The following OR7C2 variants were observed in gnomAD, a reference collection of about 807,000 sequenced individuals.
The protein encoded by OR7C2 is olfactory receptor 7C2.
For synonymous variants in OR7C2, 160 were observed against 157.7 expected (o/e 1.01, Z -0.11); for missense variants, 374 against 387.4 (o/e 0.97, Z 0.29).
Position 14,941,702 on chromosome 19 carries a change from T to C in OR7C2, c.214T>C (p.Cys72Arg). The change falls in exon 1 of 1, where the codon TGT (cysteine) becomes CGT (arginine). Residue 72 changes from cysteine to arginine, a missense_variant. Transcript: ENST00000248072. ...CTCCAACCTGTCCTTTGCTGACATC[T>C]GTTTCACATCCACGACTGTCCCAAA... ...FLSNLSFADI[C>R]FTSTTVPKML... 1 of 1,614,200 alleles carries C rather than the reference T, an allele frequency of 6.2e-7. No homozygotes were observed. The highest frequency in any genetic ancestry group is 1.1e-5 in the South Asian group (1 of 91,086).
In OR7C2 at chr19:14,941,988, C is replaced by A. The variant is rs2045353558; in HGVS notation, c.500C>A (p.Ser167Tyr). 2 of 1,614,080 alleles carry A rather than the reference C, an allele frequency of 1.2e-6. No homozygotes were observed. The highest frequency in any genetic ancestry group is 1.7e-6 in the Non-Finnish European group (2 of 1,180,010). The change falls in exon 1 of 1, where the codon TCC becomes TAC. Residue 167 changes from serine to tyrosine, a missense_variant. Ser to Tyr is a moderately radical substitution (Grantham distance 144). Coordinates refer to ENST00000248072, the MANE Select transcript of OR7C2 (RefSeq NM_012377.1). ...LLETLTILRL[S>Y]FCTNMEIPHF... is the part of the protein sequence containing the mutation. Reference sequence around the variant, plus strand: ...GAGACCTTGACCATTTTGAGGCTGTCCTTCTGCACAAATATGGAAATTCCG... The same window carrying A: ...GAGACCTTGACCATTTTGAGGCTGTACTTCTGCACAAATATGGAAATTCCG...
In OR7C2 at chr19:14,942,208, TGGTTCCCACCTCTCA is replaced by T; in HGVS notation, c.722_736del (p.Gly241_Ser245del). On this transcript the variant is annotated inframe_deletion, in exon 1 of 1. Transcript: ENST00000248072. ...GCCAGCACAAAGCCTTTTCCACCTG[TGGTTCCCACCTCTCA>T]GTGGTCAGCTTGTTCTATGGCACTG... is the stretch of plus-strand genomic sequence containing the variant. 1.2e-6 allele frequency: 2 copies of T among 1,614,128 alleles called. No individual in the cohort carries two copies. Among genetic ancestry groups the T allele is most frequent in the Non-Finnish European group, 1.7e-6 (2 of 1,180,022 alleles).
Position 14,941,575 on chromosome 19 carries a change from G to A in OR7C2, c.87G>A (p.Gly29=). ...CTGACATGCAGCTTCTCCTCCATGG[G>A]CTGTTCCTCTCCATGTACCTGGTTA... ...EDSDMQLLLH[G]LFLSMYLVTI... Residue 29 remains glycine (G), a synonymous_variant, in exon 1 of 1, where the codon GGG becomes GGA. Transcript: ENST00000248072. 1 of 1,613,932 alleles carries A rather than the reference G, an allele frequency of 6.2e-7. No homozygotes were observed. The highest frequency in any genetic ancestry group is 8.5e-7 in the Non-Finnish European group (1 of 1,179,966).
rs759282448 is a variant in OR7C2 at position 14,941,864 on chromosome 19, A to T, written c.376A>T (p.Ile126Phe). Residue 126 changes from isoleucine (I) to phenylalanine (F), a missense_variant, in exon 1 of 1, where the codon ATC (isoleucine) becomes TTC (phenylalanine). Transcript: ENST00000248072. ...TMTAYDRFVA[I>F]CYPLHYTVIM... Reference sequence around the variant, plus strand: ...GACGGCCTATGACCGCTTCGTGGCCATCTGTTACCCCCTGCACTACACGGT... The same window carrying T: ...GACGGCCTATGACCGCTTCGTGGCCTTCTGTTACCCCCTGCACTACACGGT... 18 of 1,613,844 alleles carry T rather than the reference A, an allele frequency of 1.1e-5. No individual in the cohort carries two copies. The South Asian group carries it at 2.0e-4, about 18-fold the overall frequency.
In OR7C2 at chr19:14,941,520, A is replaced by G. The variant is rs1197521085; in HGVS notation, c.32A>G (p.Asn11Ser). Reference protein sequence around the residue: MERGNQTEVGNFLLLGFAEDS... With the variant: MERGNQTEVGSFLLLGFAEDS... ...AGAGGAAACCAAACAGAAGTTGGAA[A>G]CTTTCTCCTCCTGGGATTCGCAGAG... Residue 11 changes from asparagine to serine, a missense_variant, in exon 1 of 1, where the codon AAC becomes AGC. Transcript: ENST00000248072. 6 of 1,581,814 alleles carry G rather than the reference A, an allele frequency of 3.8e-6. No individual in the cohort carries two copies. The highest frequency in any genetic ancestry group is 4.3e-6 in the Non-Finnish European group (5 of 1,161,270).
rs1568279835 is a variant in OR7C2 at position 14,942,367 on chromosome 19, C to A, written c.879C>A (p.Asn293Lys). ...ACCCCTTCATCTACAGCCTGAGGAA[C>A]AAGGACATGAAGGGGTCACTGGGGA... ...MLNPFIYSLRNKDMKGSLGRL... is the reference protein window; with the variant it reads ...MLNPFIYSLRKKDMKGSLGRL... The change falls in exon 1 of 1, where the codon AAC becomes AAA. Residue 293 changes from asparagine to lysine, a missense_variant. Transcript: ENST00000248072. The A allele has an allele frequency of 3.1e-6, 5 of 1,614,142 alleles. No homozygotes were observed. In the East Asian group the frequency reaches 1.1e-4, roughly 36 times the overall value.
In OR7C2 at chr19:14,942,247, T is replaced by C. The variant is rs374788634; in HGVS notation, c.759T>C (p.Thr253=). 9.9e-6 allele frequency: 16 copies of C among 1,614,078 alleles called. No homozygotes were observed. Among genetic ancestry groups the C allele is most frequent in the Non-Finnish European group, 1.3e-5 (15 of 1,180,046 alleles). ...HLSVVSLFYG[T]GLGVYLSSAV... Reference sequence around the variant, plus strand: ...CAGTGGTCAGCTTGTTCTATGGCACTGGCCTTGGGGTCTATCTCAGTTCTG... The same window carrying C: ...CAGTGGTCAGCTTGTTCTATGGCACCGGCCTTGGGGTCTATCTCAGTTCTG... The change falls in exon 1 of 1, where the codon ACT becomes ACC. Residue 253 remains threonine (T), a synonymous_variant. Coordinates refer to ENST00000248072, the MANE Select transcript of OR7C2 (RefSeq NM_012377.1).
Position 14,941,875 on chromosome 19 carries a change from C to G in OR7C2, c.387C>G (p.Pro129=). The change falls in exon 1 of 1, where the codon CCC becomes CCG. Residue 129 remains proline, a synonymous_variant. Transcript: ENST00000248072. ...AYDRFVAICY[P]LHYTVIMNPR... ...ACCGCTTCGTGGCCATCTGTTACCC[C>G]CTGCACTACACGGTCATCATGAACC... The G allele has an allele frequency of 1.9e-6, 3 of 1,614,120 alleles. No individual in the cohort carries two copies. Among genetic ancestry groups the G allele is most frequent in the Admixed American group, 1.7e-5 (1 of 60,018 alleles).
rs774156538 is a variant in OR7C2, at chr19:14,941,942, A to T, written c.454A>T (p.Ser152Cys). 1 of 1,614,104 alleles carries T rather than the reference A, an allele frequency of 6.2e-7. No individual in the cohort carries two copies. Among genetic ancestry groups the T allele is most frequent in the Admixed American group, 1.7e-5 (1 of 60,008 alleles). Residue 152 changes from serine to cysteine, a missense_variant, in exon 1 of 1, where the codon AGT (serine) becomes TGT (cysteine). Ser to Cys is a moderately radical substitution (Grantham distance 112). Coordinates refer to ENST00000248072, the MANE Select transcript of OR7C2 (RefSeq NM_012377.1). The part of the protein sequence containing the change: ...GLLVLGSWCI[S>C]VMGSLLETLT... ...GCTGGTTCTGGGGTCCTGGTGCATC[A>T]GTGTCATGGGTTCCTTGCTTGAGAC...
chr19:14,941,516 G>A lies in OR7C2; in HGVS notation c.28G>A (p.Gly10Arg), dbSNP rs761167831. 17 of 1,579,736 alleles carry A rather than the reference G, an allele frequency of 1.1e-5. No individual in the cohort carries two copies. Among genetic ancestry groups the A allele is most frequent in the Non-Finnish European group, 1.5e-5 (17 of 1,160,390 alleles). MERGNQTEV[G>R]NFLLLGFAED... ...GGAAAGAGGAAACCAAACAGAAGTT[G>A]GAAACTTTCTCCTCCTGGGATTCGC... The change falls in exon 1 of 1, where the codon GGA becomes AGA. Residue 10 changes from glycine (G) to arginine (R), a missense_variant. Physicochemically the swap from Gly to Arg is moderately radical, Grantham distance 125 (BLOSUM62 -2). Coordinates refer to ENST00000248072, the MANE Select transcript of OR7C2 (RefSeq NM_012377.1).
chr19:14,941,609 G>T lies in OR7C2; in HGVS notation c.121G>T (p.Gly41Ter), dbSNP rs372964611. 4 of 1,613,898 alleles carry T rather than the reference G, an allele frequency of 2.5e-6. No homozygotes were observed. Among genetic ancestry groups the T allele is most frequent in the Non-Finnish European group, 3.4e-6 (4 of 1,179,998 alleles). Reference sequence around the variant, plus strand: ...CTCCATGTACCTGGTTACCATCATCGGAAACCTGCTCATCATCCTGACCAT... The same window carrying T: ...CTCCATGTACCTGGTTACCATCATCTGAAACCTGCTCATCATCCTGACCAT... ...FLSMYLVTII[G>*]NLLIILTISS... is the part of the protein sequence containing the mutation. The change falls in exon 1 of 1, where the codon GGA (glycine) becomes TGA (stop). Residue 41 changes from glycine (G) to a stop codon, truncating the protein, a stop_gained. Transcript: ENST00000248072. LOFTEE classifies it low-confidence loss of function (END_TRUNC).
chr19:14,942,007 A>G lies in OR7C2; in HGVS notation c.519A>G (p.Glu173=). Residue 173 remains glutamate, a synonymous_variant, in exon 1 of 1, where the codon GAA becomes GAG. Coordinates refer to ENST00000248072, the MANE Select transcript of OR7C2 (RefSeq NM_012377.1). ...GGCTGTCCTTCTGCACAAATATGGA[A>G]ATTCCGCACTTTTTTTGTGATCCTT... ...ILRLSFCTNM[E]IPHFFCDPSE... 7 of 1,614,012 alleles carry G rather than the reference A, an allele frequency of 4.3e-6. No individual in the cohort carries two copies. The highest frequency in any genetic ancestry group is 5.9e-6 in the Non-Finnish European group (7 of 1,180,006).
Position 14,941,927 on chromosome 19 carries a change from G to A in OR7C2, c.439G>A (p.Gly147Arg). 1 of 1,614,062 alleles carries A rather than the reference G, an allele frequency of 6.2e-7. No individual in the cohort carries two copies. The highest frequency in any genetic ancestry group is 2.2e-5 in the East Asian group (1 of 44,886). ...CCGGCTCTGTGGACTGCTGGTTCTG[G>A]GGTCCTGGTGCATCAGTGTCATGGG... ...NPRLCGLLVL[G>R]SWCISVMGSL... Residue 147 changes from glycine to arginine, a missense_variant, in exon 1 of 1, where the codon GGG (glycine) becomes AGG (arginine). Physicochemically the swap from Gly to Arg is moderately radical, Grantham distance 125 (BLOSUM62 -2). Transcript: ENST00000248072.
rs752627366 is a variant in OR7C2 at position 14,941,859 on chromosome 19, TG to T, written c.373del (p.Ala125ProfsTer12). On this transcript the variant is annotated frameshift_variant, in exon 1 of 1. Transcript: ENST00000248072. LOFTEE classifies it low-confidence loss of function (END_TRUNC). The stretch of plus-strand genomic sequence containing the variant: ...ACCATGACGGCCTATGACCGCTTCG[TG>T]GCCATCTGTTACCCCCTGCACTACA... ...LLTMTAYDRFVAICYPLHYTV... is the reference protein window; with the variant it reads ...LLTMTAYDRFXAICYPLHYTV... 2 of 1,614,158 alleles carry T rather than the reference TG, an allele frequency of 1.2e-6. No individual in the cohort carries two copies. The highest frequency in any genetic ancestry group is 3.3e-5 in the Admixed American group (2 of 60,016).
chr19:14,941,623 C>T lies in OR7C2; in HGVS notation c.135C>T (p.Ile45=), dbSNP rs775964065. The change falls in exon 1 of 1, where the codon ATC becomes ATT. Residue 45 remains isoleucine, a synonymous_variant. Transcript: ENST00000248072. The part of the protein sequence containing the change: ...YLVTIIGNLL[I]ILTISSDSHL... Reference sequence around the variant, plus strand: ...TTACCATCATCGGAAACCTGCTCATCATCCTGACCATCAGTTCAGACTCCC... The same window carrying T: ...TTACCATCATCGGAAACCTGCTCATTATCCTGACCATCAGTTCAGACTCCC... 1 of 1,614,132 alleles carries T rather than the reference C, an allele frequency of 6.2e-7. No individual in the cohort carries two copies. Among genetic ancestry groups the T allele is most frequent in the Admixed American group, 1.7e-5 (1 of 60,014 alleles).
In OR7C2 at chr19:14,941,566, CCTCCATGGGCTGTTCCT is replaced by C. The variant is rs962059914; in HGVS notation, c.86_102del (p.Gly29ValfsTer36). The C allele has an allele frequency of 2.5e-6, 4 of 1,613,508 alleles. No homozygotes were observed. The highest frequency in any genetic ancestry group is 3.4e-6 in the Non-Finnish European group (4 of 1,179,572). The stretch of plus-strand genomic sequence containing the variant: ...CAGAGGACTCTGACATGCAGCTTCT[CCTCCATGGGCTGTTCCT>C]CTCCATGTACCTGGTTACCATCATC... On this transcript the variant is annotated frameshift_variant, in exon 1 of 1. Coordinates refer to ENST00000248072, the MANE Select transcript of OR7C2 (RefSeq NM_012377.1). LOFTEE classifies it low-confidence loss of function (END_TRUNC).
In OR7C2 at chr19:14,941,992, C is replaced by T. The variant is rs2045353606; in HGVS notation, c.504C>T (p.Phe168=). 1 of 1,614,002 alleles carries T rather than the reference C, an allele frequency of 6.2e-7. No homozygotes were observed. Among genetic ancestry groups the T allele is most frequent in the Admixed American group, 1.7e-5 (1 of 59,984 alleles). ...LETLTILRLS[F]CTNMEIPHFF... is the part of the protein sequence containing the mutation. ...CCTTGACCATTTTGAGGCTGTCCTT[C>T]TGCACAAATATGGAAATTCCGCACT... Residue 168 remains phenylalanine, a synonymous_variant, in exon 1 of 1, where the codon TTC becomes TTT. Transcript: ENST00000248072.
rs1568279791 is a variant in OR7C2, at chr19:14,942,243, G to T, written c.755G>T (p.Gly252Val). 2 of 1,614,050 alleles carry T rather than the reference G, an allele frequency of 1.2e-6. No homozygotes were observed. The highest frequency in any genetic ancestry group is 1.7e-6 in the Non-Finnish European group (2 of 1,179,998). The part of the protein sequence containing the change: ...SHLSVVSLFY[G>V]TGLGVYLSSA... ...CTCTCAGTGGTCAGCTTGTTCTATG[G>T]CACTGGCCTTGGGGTCTATCTCAGT... Residue 252 changes from glycine (G) to valine (V), a missense_variant, in exon 1 of 1, where the codon GGC becomes GTC. Physicochemically the swap from Gly to Val is moderately radical, Grantham distance 109 (BLOSUM62 -3). Transcript: ENST00000248072.
Position 14,941,863 on chromosome 19 carries a change from C to A in OR7C2, c.375C>A (p.Ala125=). Reference sequence around the variant, plus strand: ...TGACGGCCTATGACCGCTTCGTGGCCATCTGTTACCCCCTGCACTACACGG... The same window carrying A: ...TGACGGCCTATGACCGCTTCGTGGCAATCTGTTACCCCCTGCACTACACGG... ...LTMTAYDRFV[A]ICYPLHYTVI... The change falls in exon 1 of 1, where the codon GCC becomes GCA. Residue 125 remains alanine, a synonymous_variant. Coordinates refer to ENST00000248072, the MANE Select transcript of OR7C2 (RefSeq NM_012377.1). 1 of 1,614,090 alleles carries A rather than the reference C, an allele frequency of 6.2e-7. No homozygotes were observed. Among genetic ancestry groups the A allele is most frequent in the Non-Finnish European group, 8.5e-7 (1 of 1,180,026 alleles).
Sources: allele counts gnomAD v4.1 joint callset, GRCh38; gene constraint gnomAD v4.1.1; transcripts MANE v1.5; gene names NCBI Gene and HGNC (gene_info 2026-07-23, HGNC 2026-07-21).